PTPN11: variants seen among roughly 807,000 people sequenced by gnomAD.
The protein encoded by PTPN11 is tyrosine-protein phosphatase non-receptor type 11.
Under a neutral mutation model 78.8 loss-of-function variants are expected in PTPN11, and 6 were observed. The observed-to-expected ratio is 0.08, with a 90% CI of 0.04 to 0.15. The LOEUF (loss-of-function observed/expected upper bound fraction) is 0.15. Ranked by LOEUF, PTPN11 falls within the 10% of genes least tolerant of loss-of-function variation. The pLI, the probability that PTPN11 is intolerant of heterozygous loss-of-function variation, is 1.00. For synonymous variants in PTPN11, 221 were observed against 263.5 expected (o/e 0.84, Z 1.56); for missense variants, 386 against 744.8 (o/e 0.52, Z 5.61).
chr12:112,428,428 C>T (rs931295355), intron 1 of PTPN11, among the ~76,000 whole-genome samples: 2 of 120,436 alleles, frequency 1.7e-5, no homozygotes, highest in African/African-American at 6.2e-5. Flanking sequence ...GCCTCACTTA[C>T]TAATATACAA....
intron 13 of PTPN11, 78 bp downstream of exon 13, chr12:112,489,253 G>C (rs1359012350): frequency 1.3e-6 from 2 of 1,535,070 alleles, no homozygotes; most frequent in African/African-American, 2.7e-5. Context: ...TTGAGCAGGA[G>C]GACAGGCTCT....
intron 13 of PTPN11, among the ~76,000 whole-genome samples, chr12:112,500,890 C>T (rs1209153734): frequency 6.6e-6 from 1 of 152,102 alleles, no homozygotes; most frequent in Non-Finnish European, 1.5e-5. Flanking sequence ...CCATGCCCAG[C>T]CCTATTTTTT....
At chr12:112,495,888 C>G (rs754301605) in intron 13 of PTPN11, among the ~76,000 whole-genome samples, 2 of 151,960 alleles carry the variant, frequency 1.3e-5, no homozygotes, top group African/African-American at 4.8e-5. Flanking sequence ...ATCATAAAAT[C>G]AAAAAAACCA....
At chr12:112,430,628 A>T (rs1181061951) in intron 1 of PTPN11, among the ~76,000 whole-genome samples, 1 of 150,614 alleles carries the variant, frequency 6.6e-6, no homozygotes, top group Non-Finnish European at 1.5e-5. Flanking sequence ...TCTAGAGATG[A>T]GGTCTCACTA....
At chr12:112,442,930 T>C (rs1465454622) in intron 1 of PTPN11, among the ~76,000 whole-genome samples, 1 of 137,694 alleles carries the variant, frequency 7.3e-6, no homozygotes, top group Non-Finnish European at 1.6e-5. Flanking sequence ...ATTTTATATA[T>C]AAAATACATA....
chr12:112,428,396 CTTTTTTTTTTT>C (rs11312766), intron 1 of PTPN11, among the ~76,000 whole-genome samples: 1 of 84,466 alleles, frequency 1.2e-5, no homozygotes, highest in Non-Finnish European at 2.4e-5. Context: ...TGTGTGTTGT[CTTTTTTTTTTT>C]TTTTTTTTTT....
chr12:112,443,706 G>T (rs1291734304), intron 1 of PTPN11, among the ~76,000 whole-genome samples: 1 of 144,212 alleles, frequency 6.9e-6, no homozygotes, highest in Non-Finnish European at 1.5e-5. Context: ...GGCCTGGAGT[G>T]CAGTGGTATG....
intron 14 of PTPN11, 69 bp downstream of exon 14, chr12:112,502,325 CAA>C (rs2038885706): frequency 6.1e-6 from 8 of 1,302,166 alleles, no homozygotes; most frequent in Non-Finnish European, 8.9e-6. Flanking sequence ...AAAACAAAAA[CAA>C]AAACAAAACA....
chr12:112,420,881 A>G (rs1365457138), intron 1 of PTPN11, among the ~76,000 whole-genome samples: 4 of 152,234 alleles, frequency 2.6e-5, no homozygotes, highest in Non-Finnish European at 5.9e-5. Flanking sequence ...TTAAATAAAC[A>G]GTTGTCTATT....
chr12:112,455,036 T>C (rs1158814057), intron 5 of PTPN11, among the ~76,000 whole-genome samples: 5 of 151,666 alleles, frequency 3.3e-5, no homozygotes, highest in Non-Finnish European at 7.4e-5. Context: ...GCCTGGCTGG[T>C]CTTGAATTCC....
intron 11 of PTPN11, among the ~76,000 whole-genome samples, chr12:112,487,716 G>A (rs1296088829): frequency 2.0e-5 from 3 of 152,086 alleles, no homozygotes; most frequent in Non-Finnish European, 2.9e-5. Context: ...CAGCCTCTGA[G>A]CACAATGTTT....
chr12:112,483,784 G>T (rs1260990998), intron 10 of PTPN11, among the ~76,000 whole-genome samples: 1 of 152,192 alleles, frequency 6.6e-6, no homozygotes, highest in Non-Finnish European at 1.5e-5. Context: ...GACATGCAGG[G>T]ATTCAGTGAA....
intron 7 of PTPN11, among the ~76,000 whole-genome samples, chr12:112,475,678 C>G (rs1285545397): frequency 1.3e-5 from 2 of 152,226 alleles, no homozygotes; most frequent in East Asian, 1.9e-4. Context: ...GAGCATTGCT[C>G]TCATGTCTTA....
rs776089364 is a variant in PTPN11 at position 112,446,313 on chromosome 12, A to G, written c.52A>G (p.Asn18Asp). The change falls in exon 2 of 16, where the codon AAC becomes GAC. Residue 18 changes from asparagine (N) to aspartate (D), a missense_variant. Physicochemically the swap from Asn to Asp is conservative, Grantham distance 23. This residue lies in a region of PTPN11 where 279 missense variants were observed against 503.3 expected (regional missense o/e 0.55). Transcript: ENST00000351677. Reference protein sequence around the residue: ...HPNITGVEAENLLLTRGVDGS... With the variant: ...HPNITGVEAEDLLLTRGVDGS... ...AAATATCACTGGTGTGGAGGCAGAA[A>G]ACCTACTGTTGACAAGAGGAGTTGA... is the stretch of plus-strand genomic sequence containing the variant. 1 of 1,614,112 alleles carries G rather than the reference A, an allele frequency of 6.2e-7. No individual in the cohort carries two copies. The highest frequency in any genetic ancestry group is 1.1e-5 in the South Asian group (1 of 91,082).
At position 112,482,064 on chromosome 12, in the gene PTPN11, T is replaced by A; in HGVS notation, c.1093-10T>A. 1 of 1,557,882 alleles carries A rather than the reference T, an allele frequency of 6.4e-7. No homozygotes were observed. The highest frequency in any genetic ancestry group is 8.9e-7 in the Non-Finnish European group (1 of 1,129,260). On this transcript the variant is annotated splice_polypyrimidine_tract_variant and intron_variant, in intron 9 of 15. Coordinates refer to ENST00000351677, the MANE Select transcript of PTPN11 (RefSeq NM_002834.5). This position sits in a 1 kb window ranked among gnomAD's most constrained non-coding sequence, Gnocchi z 4.4. Reference sequence around the variant, plus strand: ...CAGAATTAACTTTCTTTTTTTCTGATCTCTTCCAGAGTAAATGTGTCAAAT... The same window carrying A: ...CAGAATTAACTTTCTTTTTTTCTGAACTCTTCCAGAGTAAATGTGTCAAAT...
chr12:112,424,140 A>T (rs1315686460), intron 1 of PTPN11, among the ~76,000 whole-genome samples: 2 of 152,204 alleles, frequency 1.3e-5, no homozygotes, highest in Admixed American at 1.3e-4. Context: ...TCATTGAAGA[A>T]TTATTTATGG....
At chr12:112,442,881 T>TATATATTA (rs1431099350) in intron 1 of PTPN11, among the ~76,000 whole-genome samples, 1 of 90,846 alleles carries the variant, frequency 1.1e-5, no homozygotes, top group Non-Finnish European at 2.2e-5. Context: ...TATATATAAA[T>TATATATTA]TATATATACA....
At chr12:112,460,191 A>C (rs2038227429) in intron 6 of PTPN11, among the ~76,000 whole-genome samples, 1 of 151,772 alleles carries the variant, frequency 6.6e-6, no homozygotes, top group Non-Finnish European at 1.5e-5. Context: ...CAGGTGATCC[A>C]CCCACCTTGG....
chr12:112,461,374 C>T (rs1224770113), intron 6 of PTPN11, among the ~76,000 whole-genome samples: 1 of 149,762 alleles, frequency 6.7e-6, no homozygotes, highest in Non-Finnish European at 1.5e-5. Context: ...CACTGTGTTG[C>T]TCAGGCTGGT....
Sources: allele counts gnomAD v4.1 joint callset (sites outside exome capture counted in the v4.1 genomes callset), GRCh38; gene constraint gnomAD v4.1.1; regional missense constraint gnomAD v4.1.1; non-coding constraint Gnocchi (gnomAD v3.1); transcripts MANE v1.5; gene names NCBI Gene and HGNC (gene_info 2026-07-23, HGNC 2026-07-21).